The following ASIC2 variants were observed in gnomAD, a reference collection of about 807,000 sequenced individuals.
ASIC2 encodes acid sensing ion channel subunit 2.
Under a neutral mutation model 57.3 loss-of-function variants are expected in ASIC2, and 25 were observed. The ratio of observed to expected loss-of-function variants is 0.44; its 90% confidence interval spans 0.32 to 0.61. The LOEUF (loss-of-function observed/expected upper bound fraction) is 0.61. Ranked by LOEUF, ASIC2 falls within the 20% of genes least tolerant of loss-of-function variation. The pLI, the probability that ASIC2 is intolerant of heterozygous loss-of-function variation, is 0.06. For synonymous variants in ASIC2, 319 were observed against 307.5 expected (o/e 1.04, Z -0.39); for missense variants, 641 against 738.1 (o/e 0.87, Z 1.52).
chr17:33,734,164 CT>C (rs1233980653), intron 1 of ASIC2, among the ~76,000 whole-genome samples: 1 of 152,144 alleles, frequency 6.6e-6, no homozygotes, highest in Non-Finnish European at 1.5e-5. Context: ...GTGCTCCCAT[CT>C]GAGGCCAGCC....
intron 2 of ASIC2, among the ~76,000 whole-genome samples, chr17:33,109,528 T>C (rs982047750): frequency 4.6e-5 from 7 of 152,302 alleles, no homozygotes; most frequent in Non-Finnish European, 8.8e-5. Flanking sequence ...CTCCCAGGGA[T>C]GACTCAAACT....
chr17:34,127,870 G>A (rs1229485585), intron 1 of ASIC2, among the ~76,000 whole-genome samples: 1 of 152,192 alleles, frequency 6.6e-6, no homozygotes, highest in African/African-American at 2.4e-5. Context: ...GAGCCAACCT[G>A]GCTTTCTCTA....
intron 1 of ASIC2, among the ~76,000 whole-genome samples, chr17:33,545,789 A>G (rs902197096): frequency 1.3e-5 from 2 of 152,162 alleles, no homozygotes; most frequent in Admixed American, 1.3e-4. Flanking sequence ...TCTTTCTTGG[A>G]TACTTATTAT....
chr17:33,704,943 C>A (rs1419734679), intron 1 of ASIC2, among the ~76,000 whole-genome samples: 2 of 152,160 alleles, frequency 1.3e-5, no homozygotes, highest in Non-Finnish European at 2.9e-5. Context: ...TTTTGAAACC[C>A]CACAAAACCT....
At chr17:33,956,373 G>C (rs185005537) in intron 1 of ASIC2, among the ~76,000 whole-genome samples, 21 of 152,286 alleles carry the variant, frequency 1.4e-4, no homozygotes, top group Admixed American at 1.2e-3. Flanking sequence ...ATTTGTGAGG[G>C]AGTGAAAAAC....
intron 1 of ASIC2, among the ~76,000 whole-genome samples, chr17:33,960,369 C>A (rs540309211): frequency 6.6e-6 from 1 of 152,284 alleles, no homozygotes; most frequent in South Asian, 2.1e-4. Context: ...TCTCTCAAAC[C>A]ACTTTGAGTT....
intron 1 of ASIC2, among the ~76,000 whole-genome samples, chr17:33,206,066 C>T (rs1177517685): frequency 6.6e-6 from 1 of 152,128 alleles, no homozygotes; most frequent in Non-Finnish European, 1.5e-5. Context: ...ATGAAACTCA[C>T]CAGAGTCATA....
At chr17:34,104,351 C>T (rs1036264606) in intron 1 of ASIC2, among the ~76,000 whole-genome samples, 2 of 151,844 alleles carry the variant, frequency 1.3e-5, no homozygotes, top group African/African-American at 4.8e-5. Context: ...TTGTTCATTC[C>T]TCAGGCTTTT....
intron 1 of ASIC2, among the ~76,000 whole-genome samples, chr17:33,269,672 T>TTCCTTCCTTCCTTCCTTCCTTCTC (rs1281999914): frequency 2.7e-5 from 2 of 74,888 alleles, no homozygotes; most frequent in Admixed American, 1.5e-4. Context: ...CCTTCCTTCC[T>TTCCTTCCTTCCTTCCTTCCTTCTC]TCCCTCCCTC....
chr17:33,193,952 A>G (rs1906528049), intron 1 of ASIC2, among the ~76,000 whole-genome samples: 1 of 152,166 alleles, frequency 6.6e-6, no homozygotes, highest in Admixed American at 6.6e-5. Flanking sequence ...CTAGTATATT[A>G]CTTTCACACG....
intron 1 of ASIC2, among the ~76,000 whole-genome samples, chr17:33,320,902 G>A (rs1434709338): frequency 6.6e-6 from 1 of 152,024 alleles, no homozygotes; most frequent in Non-Finnish European, 1.5e-5. Flanking sequence ...TCTACCCTGA[G>A]GTCCTGTAGG....
In ASIC2 at chr17:33,292,466, G is replaced by A. The variant is rs1567813077; in HGVS notation, c.-351C>T. 1 of 985,438 alleles carries A rather than the reference G, an allele frequency of 1.0e-6. No individual in the cohort carries two copies. Among genetic ancestry groups the A allele is most frequent in the Non-Finnish European group, 1.2e-6 (1 of 830,124 alleles). The allele number at this position is 985,438 out of a possible 1,614,324, so 61.0% of individuals were successfully genotyped here. A position where few individuals can be genotyped will look rare whatever the true frequency, so the allele number is the denominator to read the frequency against. On this transcript the variant is annotated 5_prime_UTR_variant, in exon 1 of 10. Transcript: ENST00000225823. Reference sequence around the variant, plus strand: ...CTGGGAGCCGCCTCTCCAGTCCCTGGGTGCTGCGCCCGCCTTCCCTCGTCC... The same window carrying A: ...CTGGGAGCCGCCTCTCCAGTCCCTGAGTGCTGCGCCCGCCTTCCCTCGTCC...
In ASIC2 at chr17:33,863,921, G is replaced by A. The variant is rs981934340; in HGVS notation, c.555+292057C>T. ...TTTTGTTTTTTTTTTTTTTGTTTTT[G>A]AGATGGAGTTTCGCTCTTATTGTGC... On this transcript the variant is annotated intron_variant, in intron 1 of 9. Transcript: ENST00000359872. 3.6e-5 allele frequency among the ~76,000 whole-genome samples: 4 copies of A among 111,742 alleles called. No individual in the cohort carries two copies. In the Admixed American group the frequency reaches 3.6e-4, roughly 10 times the overall value. 73.3% of individuals were successfully genotyped at this position (111,742 alleles called of 152,430 possible).
chr17:34,135,569 G>A (rs576283248), intron 1 of ASIC2, among the ~76,000 whole-genome samples: 2 of 152,240 alleles, frequency 1.3e-5, no homozygotes, highest in African/African-American at 4.8e-5. Flanking sequence ...CAGCTCCCCA[G>A]GTGATTCCAA....
chr17:33,253,491 C>T (rs1311581340), intron 1 of ASIC2, among the ~76,000 whole-genome samples: 1 of 152,206 alleles, frequency 6.6e-6, no homozygotes, highest in African/African-American at 2.4e-5. Flanking sequence ...ATTCCACTTC[C>T]AAACAATTAG....
intron 1 of ASIC2, among the ~76,000 whole-genome samples, chr17:33,700,247 C>A (rs1017372421): frequency 6.6e-6 from 1 of 152,032 alleles, no homozygotes; most frequent in Non-Finnish European, 1.5e-5. Context: ...TAGCAAGAAA[C>A]TTTGCTTTCC....
At chr17:33,926,860 G>A (rs1224026195) in intron 1 of ASIC2, among the ~76,000 whole-genome samples, 5 of 152,160 alleles carry the variant, frequency 3.3e-5, no homozygotes, top group East Asian at 1.9e-4. Context: ...CATTTTGACT[G>A]TGACTCGTCA....
intron 1 of ASIC2, among the ~76,000 whole-genome samples, chr17:33,991,168 A>C (rs1385932196): frequency 6.6e-6 from 1 of 152,214 alleles, no homozygotes. Context: ...TGAGAAGAAA[A>C]ATATCTTTTC....
At position 33,292,145 on chromosome 17, in the gene ASIC2, G is replaced by T. The variant is rs1905503872; in HGVS notation, c.-30C>A. On this transcript the variant is annotated 5_prime_UTR_variant, in exon 1 of 10. Transcript: ENST00000225823. ...TCAGCCCGCGGCTGGCGGCAGCGGC[G>T]GCGGCCCCGGCCGGGCGGAGCCGCC... is the stretch of plus-strand genomic sequence containing the variant. 4 of 1,030,404 alleles carry T rather than the reference G, an allele frequency of 3.9e-6. No homozygotes were observed. The highest frequency in any genetic ancestry group is 3.5e-6 in the Non-Finnish European group (3 of 861,374). 63.8% of individuals were successfully genotyped at this position (1,030,404 alleles called of 1,614,324 possible).
Sources: allele counts gnomAD v4.1 joint callset (sites outside exome capture counted in the v4.1 genomes callset), GRCh38; gene constraint gnomAD v4.1.1; transcripts MANE v1.5; gene names NCBI Gene and HGNC (gene_info 2026-07-23, HGNC 2026-07-21).